The following TOX3 variants were observed in gnomAD, a reference collection of about 807,000 sequenced individuals.
TOX3 encodes CAG trinucleotide repeat-containing gene F9 protein.
TOX3 carries 22 observed loss-of-function variants against 64.3 expected under a neutral mutation model. That is an observed-to-expected ratio of 0.34 (90% CI 0.24 to 0.49). The LOEUF (loss-of-function observed/expected upper bound fraction) is 0.49. Among genes scored for constraint, TOX3 ranks in the 20% least tolerant of loss-of-function variants. The pLI, the probability that TOX3 is intolerant of heterozygous loss-of-function variation, is 0.99. For missense variants in TOX3, 661 were observed against 714.4 expected (o/e 0.93, Z 0.85); for synonymous variants, 291 against 273.6 (o/e 1.06, Z -0.63).
chr16:52,481,709 G>A (rs1193075007), intron 1 of TOX3, among the ~76,000 whole-genome samples: 2 of 152,336 alleles, frequency 1.3e-5, no homozygotes, highest in Admixed American at 1.3e-4. Context: ...CAGGGCTAAT[G>A]TTTTACTGCA....
chr16:52,500,400 T>A (rs1219829979), intron 1 of TOX3, among the ~76,000 whole-genome samples: 1 of 152,228 alleles, frequency 6.6e-6, no homozygotes, highest in Admixed American at 6.5e-5. Flanking sequence ...TGGGTACCAG[T>A]TAATCGGCAT....
intron 1 of TOX3, among the ~76,000 whole-genome samples, chr16:52,539,780 C>T (rs1963035074): frequency 6.6e-6 from 1 of 152,194 alleles, no homozygotes; most frequent in East Asian, 1.9e-4. Flanking sequence ...AAACCAGCTT[C>T]TCCTCTCTCC....
intron 3 of TOX3, among the ~76,000 whole-genome samples, chr16:52,458,441 C>G (rs115674281): frequency 6.6e-6 from 1 of 152,256 alleles, no homozygotes; most frequent in African/African-American, 2.4e-5. Context: ...GCCATCATGT[C>G]AGTCTTATGT....
intron 1 of TOX3, among the ~76,000 whole-genome samples, chr16:52,527,448 G>C (rs965482606): frequency 1.3e-5 from 2 of 152,142 alleles, no homozygotes; most frequent in African/African-American, 4.8e-5. Context: ...CCCTGTTGAA[G>C]GACAACTATT....
At chr16:52,546,278 T>G (rs1193089364) in intron 1 of TOX3, among the ~76,000 whole-genome samples, 1 of 152,018 alleles carries the variant, frequency 6.6e-6, no homozygotes, top group African/African-American at 2.4e-5. Flanking sequence ...TAGCCCCCAC[T>G]CAGTCCAGGG....
At chr16:52,499,825 C>A (rs45587444) in intron 1 of TOX3, among the ~76,000 whole-genome samples, 157 of 152,308 alleles carry the variant, frequency 1.0e-3, no homozygotes, top group African/African-American at 3.7e-3. Flanking sequence ...TCCAGCCACC[C>A]TAGGTACAAG....
In TOX3 at chr16:52,439,058, G is replaced by A; in HGVS notation, c.*167C>T. The stretch of plus-strand genomic sequence containing the variant: ...ATAGTCAGCTAAAAGATGTTACTCA[G>A]CTACACTGCAGTTCTTATTGCCTAT... On this transcript the variant is annotated 3_prime_UTR_variant, in exon 7 of 7. Coordinates refer to ENST00000219746, the MANE Select transcript of TOX3 (RefSeq NM_001080430.4). 1 of 942,858 alleles carries A rather than the reference G, an allele frequency of 1.1e-6. No homozygotes were observed. Among genetic ancestry groups the A allele is most frequent in the Non-Finnish European group, 1.7e-6 (1 of 603,078 alleles). The allele number at this position is 942,858 out of a possible 1,614,324, so 58.4% of individuals were successfully genotyped here.
At chr16:52,447,636 T>C (rs1285531936) in intron 4 of TOX3, among the ~76,000 whole-genome samples, 1 of 152,168 alleles carries the variant, frequency 6.6e-6, no homozygotes, top group Non-Finnish European at 1.5e-5. Context: ...ATGCCATCTT[T>C]CATAACTCAC....
At chr16:52,517,170 A>G (rs1962481764) in intron 1 of TOX3, among the ~76,000 whole-genome samples, 1 of 152,206 alleles carries the variant, frequency 6.6e-6, no homozygotes, top group Non-Finnish European at 1.5e-5. Flanking sequence ...ACTATCATTT[A>G]CCAACATTCA....
At chr16:52,446,913 TA>T (rs571849830) in intron 4 of TOX3, among the ~76,000 whole-genome samples, 55 of 151,780 alleles carry the variant, frequency 3.6e-4, no homozygotes, top group Non-Finnish European at 7.1e-4. Context: ...TAAAAACGTG[TA>T]AAAAAAAGAG....
rs1421261509 is a variant in TOX3 at position 52,516,050 on chromosome 16, A to C, written c.87+30587T>G. Among the ~76,000 whole-genome samples the C allele has an allele frequency of 3.3e-5, 5 of 152,104 alleles. No individual in the cohort carries two copies. The East Asian group carries it at 9.6e-4, about 29-fold the overall frequency. ...TATACTTGTTTTAAAAAAATCCTCA[A>C]AGAATCAATCACATATTACAGAACT... On this transcript the variant is annotated intron_variant, in intron 1 of 6. Transcript: ENST00000219746.
chr16:52,529,335 T>C (rs1272343064), intron 1 of TOX3, among the ~76,000 whole-genome samples: 1 of 152,204 alleles, frequency 6.6e-6, no homozygotes, highest in African/African-American at 2.4e-5. Flanking sequence ...TTTTTAGTTT[T>C]ACAATATTGA....
At chr16:52,460,242 T>C (rs865860680) in intron 3 of TOX3, among the ~76,000 whole-genome samples, 7 of 152,196 alleles carry the variant, frequency 4.6e-5, no homozygotes, top group African/African-American at 7.2e-5. Context: ...TCCAAGGTAA[T>C]ATCAAACAGA....
rs185773078 is a variant in TOX3 at position 52,474,361 on chromosome 16, T to C, written c.88-5787A>G. 2.0e-5 allele frequency among the ~76,000 whole-genome samples: 3 copies of C among 152,280 alleles called. No individual in the cohort carries two copies. In the East Asian group the frequency reaches 5.8e-4, roughly 29 times the overall value. On this transcript the variant is annotated intron_variant, in intron 1 of 6. Coordinates refer to ENST00000219746, the MANE Select transcript of TOX3 (RefSeq NM_001080430.4). The stretch of plus-strand genomic sequence containing the variant: ...CCTTCCCAGCAAGTCCCTCTGGTTC[T>C]ACCATACTTCCCAACAGACTATCCT...
chr16:52,524,008 T>C (rs1298439523), intron 1 of TOX3, among the ~76,000 whole-genome samples: 2 of 152,210 alleles, frequency 1.3e-5, no homozygotes, highest in African/African-American at 2.4e-5. Flanking sequence ...TTCTTCAAAA[T>C]TAACATTCAG....
intron 1 of TOX3, among the ~76,000 whole-genome samples, chr16:52,536,475 G>A (rs1305176599): frequency 1.3e-5 from 2 of 150,886 alleles, no homozygotes; most frequent in African/African-American, 4.9e-5. Flanking sequence ...CACATAAAGC[G>A]AGGGTAGAGG....
chr16:52,448,778 A>G (rs184396965), intron 4 of TOX3, among the ~76,000 whole-genome samples: 67 of 152,128 alleles, frequency 4.4e-4, no homozygotes, highest in African/African-American at 1.3e-3. Flanking sequence ...TTACTTTCAC[A>G]TCTTCTCATC....
intron 3 of TOX3, among the ~76,000 whole-genome samples, chr16:52,452,216 G>C (rs912430052): frequency 2.0e-5 from 3 of 152,136 alleles, no homozygotes; most frequent in African/African-American, 7.2e-5. Context: ...AGAATGGGAG[G>C]GGCAAGGAGG....
intron 1 of TOX3, among the ~76,000 whole-genome samples, chr16:52,506,520 T>C (rs1265867060): frequency 6.6e-6 from 1 of 152,100 alleles, no homozygotes; most frequent in Non-Finnish European, 1.5e-5. Context: ...AAGAACCTCC[T>C]GGATTCTTGG....
Sources: allele counts gnomAD v4.1 joint callset (sites outside exome capture counted in the v4.1 genomes callset), GRCh38; gene constraint gnomAD v4.1.1; transcripts MANE v1.5; gene names NCBI Gene and HGNC (gene_info 2026-07-23, HGNC 2026-07-21).